The following OR7E24 variants were observed in gnomAD, a reference collection of about 807,000 sequenced individuals.
The protein encoded by OR7E24 is olfactory receptor family 7 subfamily E member 24.
For synonymous variants in OR7E24, 130 were observed against 157.5 expected (o/e 0.83, Z 1.31); for missense variants, 385 against 410.3 (o/e 0.94, Z 0.53).
the OR7E24 span, among the ~76,000 whole-genome samples, chr19:9,221,356 TTTTTTTTTTTTTG>T: frequency 1.1e-5 from 1 of 91,942 alleles, no homozygotes; most frequent in Non-Finnish European, 2.3e-5. Context: ...TTTTTTTTTT[TTTTTTTTTTTTTG>T]AGACGGAGTC....
In OR7E24 at chr19:9,251,361, C is replaced by T. The variant is rs757819182; in HGVS notation, c.318C>T (p.His106=). Residue 106 remains histidine, a synonymous_variant, in exon 1 of 1, where the codon CAC becomes CAT. Transcript: ENST00000456448. The part of the protein sequence containing the change: ...VPKMIVDMQT[H]SRVISYEGCL... ...AGATGATTGTGGACATGCAAACTCA[C>T]AGCAGAGTCATCTCCTATGAAGGCT... 8.7e-6 allele frequency: 14 copies of T among 1,613,942 alleles called. No individual in the cohort carries two copies. In the Admixed American group the frequency reaches 2.2e-4, roughly 25 times the overall value.
At chr19:9,221,923 T>C in the OR7E24 span, among the ~76,000 whole-genome samples, 15 of 152,344 alleles carry the variant, frequency 9.8e-5, no homozygotes, top group African/African-American at 3.6e-4. Flanking sequence ...TTTTCCTCTT[T>C]TGTTATTTTC....
the OR7E24 span, among the ~76,000 whole-genome samples, chr19:9,232,681 GGA>G: frequency 6.4e-4 from 97 of 152,134 alleles, no homozygotes; most frequent in African/African-American, 2.3e-3. Flanking sequence ...CAATGGAACT[GGA>G]AGACCCACTC....
At chr19:9,236,610 A>C in the OR7E24 span, among the ~76,000 whole-genome samples, 1 of 150,512 alleles carries the variant, frequency 6.6e-6, no homozygotes, top group Admixed American at 6.6e-5. Flanking sequence ...TTTTGCACCC[A>C]CCTAATATAT....
the OR7E24 span, among the ~76,000 whole-genome samples, chr19:9,226,676 C>G: frequency 6.6e-6 from 1 of 152,180 alleles, no homozygotes; most frequent in Non-Finnish European, 1.5e-5. Context: ...TAGCACAGGT[C>G]TTTGAATAAA....
upstream of OR7E24, among the ~76,000 whole-genome samples, chr19:9,248,502 ATCCGTG>A (rs1035913420): frequency 3.4e-4 from 52 of 152,168 alleles, no homozygotes; most frequent in African/African-American, 1.3e-3. Flanking sequence ...CCCCCCTCGA[ATCCGTG>A]TCACACCCAG....
upstream of OR7E24, among the ~76,000 whole-genome samples, chr19:9,245,968 G>A (rs1195005001): frequency 6.6e-6 from 1 of 151,268 alleles, no homozygotes; most frequent in Non-Finnish European, 1.5e-5. Flanking sequence ...ACTGTTGCTG[G>A]TGAATCCTTC....
chr19:9,214,624 A>C, the OR7E24 span: 5 of 1,614,062 alleles, frequency 3.1e-6, no homozygotes, highest in Non-Finnish European at 4.2e-6. Flanking sequence ...GAGATGAAAC[A>C]GATGTCAACA....
the OR7E24 span, chr19:9,210,149 C>T: frequency 6.6e-6 from 1 of 152,102 alleles, no homozygotes; most frequent in Non-Finnish European, 1.5e-5. Context: ...TCATTTGTGC[C>T]CTCATATTTA....
chr19:9,238,738 T>G, the OR7E24 span, among the ~76,000 whole-genome samples: 3,921 of 152,314 alleles, frequency 0.026, 88 homozygotes, highest in Non-Finnish European at 0.039. Context: ...TGAGTTTGAC[T>G]TGTTTTCATC....
At chr19:9,221,511 CG>C in the OR7E24 span, among the ~76,000 whole-genome samples, 5 of 139,366 alleles carry the variant, frequency 3.6e-5, no homozygotes, top group South Asian at 1.2e-3. Context: ...CCACGACGCC[CG>C]GCTACTTTTT....
the OR7E24 span, among the ~76,000 whole-genome samples, chr19:9,221,561 C>T: frequency 9.2e-5 from 14 of 151,610 alleles, no homozygotes; most frequent in African/African-American, 3.4e-4. Flanking sequence ...CCGTGTTAGC[C>T]AGGGTGGTCT....
At chr19:9,227,083 C>T in the OR7E24 span, among the ~76,000 whole-genome samples, 9 of 152,160 alleles carry the variant, frequency 5.9e-5, no homozygotes, top group Non-Finnish European at 1.3e-4. Context: ...GTGTGTAGTT[C>T]CCCTCTCTGT....
At chr19:9,207,967 A>C in the OR7E24 span, 1 of 152,068 alleles carries the variant, frequency 6.6e-6, no homozygotes, top group African/African-American at 2.4e-5. Flanking sequence ...AGTAACAATC[A>C]AGCCAACTCC....
the OR7E24 span, among the ~76,000 whole-genome samples, chr19:9,233,967 G>A: frequency 8.7e-5 from 13 of 148,932 alleles, no homozygotes; most frequent in South Asian, 4.2e-4. Context: ...GCAGTGGCAC[G>A]ATATCAGCTC....
chr19:9,214,725 G>T, the OR7E24 span: 1 of 1,613,974 alleles, frequency 6.2e-7, no homozygotes, highest in Non-Finnish European at 8.5e-7. Context: ...CCCCAGCACC[G>T]TGACCAGGTA....
chr19:9,225,714 G>A, the OR7E24 span, among the ~76,000 whole-genome samples: 1 of 152,300 alleles, frequency 6.6e-6, no homozygotes, highest in Admixed American at 6.5e-5. Flanking sequence ...TACACAAAAA[G>A]TTTATCCAAA....
the OR7E24 span, among the ~76,000 whole-genome samples, chr19:9,221,414 G>T: frequency 8.7e-6 from 1 of 114,318 alleles, no homozygotes; most frequent in Non-Finnish European, 1.7e-5. Context: ...GCAGTGGCGC[G>T]ATCTCCGCTC....
At chr19:9,232,126 G>A in the OR7E24 span, among the ~76,000 whole-genome samples, 6 of 152,130 alleles carry the variant, frequency 3.9e-5, no homozygotes, top group Non-Finnish European at 5.9e-5. Flanking sequence ...AGAAAAGCGG[G>A]CTGCAAGCTT....
Sources: allele counts gnomAD v4.1 joint callset (sites outside exome capture counted in the v4.1 genomes callset), GRCh38; gene constraint gnomAD v4.1.1; transcripts MANE v1.5; gene names NCBI Gene and HGNC (gene_info 2026-07-23, HGNC 2026-07-21).